Variants in UST observed in about 807,000 individuals in gnomAD.
The protein encoded by UST is chondroitin sulfate 2-O-sulfotransferase.
Under a neutral mutation model 45.6 loss-of-function variants are expected in UST, and 21 were observed. The observed-to-expected ratio is 0.46, with a 90% CI of 0.33 to 0.66. The LOEUF is 0.66. Ranked by LOEUF, UST falls within the 30% of genes least tolerant of loss-of-function variation. The pLI, the probability that UST is intolerant of heterozygous loss-of-function variation, is 0.02. For synonymous variants in UST, 215 were observed against 200.6 expected (o/e 1.07, Z -0.61); for missense variants, 463 against 512.4 (o/e 0.90, Z 0.93).
At chr6:148,876,070 T>G (rs779810587) in intron 1 of UST, among the ~76,000 whole-genome samples, 3 of 152,188 alleles carry the variant, frequency 2.0e-5, no homozygotes, top group Non-Finnish European at 4.4e-5. Flanking sequence ...GGTTCGTGGT[T>G]CTGTAGGCTG....
chr6:149,033,159 C>T (rs946034029), intron 7 of UST, among the ~76,000 whole-genome samples: 3 of 152,188 alleles, frequency 2.0e-5, no homozygotes, highest in Non-Finnish European at 4.4e-5. Context: ...TGTCAAGGTC[C>T]CTGTCCACCC....
At chr6:148,838,692 C>T (rs1043531980) in intron 1 of UST, among the ~76,000 whole-genome samples, 5 of 151,962 alleles carry the variant, frequency 3.3e-5, no homozygotes, top group Non-Finnish European at 5.9e-5. Flanking sequence ...ACCAAGAATT[C>T]GAGACCAGCC....
At position 149,074,939 on chromosome 6, in the gene UST, G is replaced by C. The variant is rs1266466485; in HGVS notation, c.*823G>C. 6.6e-6 allele frequency: 1 copy of C among 152,280 alleles called. No individual in the cohort carries two copies. Among genetic ancestry groups the C allele is most frequent in the Non-Finnish European group, 1.5e-5 (1 of 68,146 alleles). 9.4% of individuals were successfully genotyped at this position (152,280 alleles called of 1,614,324 possible). On this transcript the variant is annotated 3_prime_UTR_variant, in exon 8 of 8. Coordinates refer to ENST00000367463, the MANE Select transcript of UST (RefSeq NM_005715.3). ...CTTTCAAGGTCAAAGTGCATGGCCA[G>C]CTCCATTGAGACATTCCATTTCAAA...
At chr6:148,988,594 G>C (rs1429213011) in intron 5 of UST, among the ~76,000 whole-genome samples, 1 of 103,636 alleles carries the variant, frequency 9.6e-6, no homozygotes, top group Non-Finnish European at 2.1e-5. Context: ...AAAAAAAAAA[G>C]CAAAAAACAA....
At chr6:149,045,551 C>G (rs749074396) in intron 7 of UST, among the ~76,000 whole-genome samples, 2 of 152,056 alleles carry the variant, frequency 1.3e-5, no homozygotes, top group African/African-American at 2.4e-5. Flanking sequence ...GTGTGGGTAC[C>G]CTGCGGATCT....
chr6:148,862,320 C>T (rs1469890746), intron 1 of UST, among the ~76,000 whole-genome samples: 1 of 152,130 alleles, frequency 6.6e-6, no homozygotes. Context: ...GGATTGCAAC[C>T]ACTGCTTTGT....
intron 7 of UST, among the ~76,000 whole-genome samples, chr6:149,046,326 G>A (rs145600970): frequency 2.6e-5 from 4 of 152,342 alleles, no homozygotes; most frequent in African/African-American, 9.6e-5. Flanking sequence ...CTGGCCAGGG[G>A]TAGGGCCACC....
chr6:148,760,973 G>C (rs992720154), intron 1 of UST, among the ~76,000 whole-genome samples: 1 of 152,178 alleles, frequency 6.6e-6, no homozygotes, highest in Non-Finnish European at 1.5e-5. Context: ...AAAAGCCACA[G>C]AACTGAACAG....
intron 1 of UST, among the ~76,000 whole-genome samples, chr6:148,876,877 G>T (rs957252182): frequency 2.0e-5 from 3 of 150,518 alleles, no homozygotes; most frequent in Non-Finnish European, 4.4e-5. Context: ...GAAAGAGGGG[G>T]TGCGTTTCAG....
At chr6:149,003,785 G>GT (rs1338762425) in intron 5 of UST, among the ~76,000 whole-genome samples, 1 of 152,230 alleles carries the variant, frequency 6.6e-6, no homozygotes, top group Non-Finnish European at 1.5e-5. Flanking sequence ...GAATCTGCAG[G>GT]TGTGGCTTTT....
At chr6:148,916,626 C>G (rs1017378806) in intron 2 of UST, among the ~76,000 whole-genome samples, 1 of 152,136 alleles carries the variant, frequency 6.6e-6, no homozygotes, top group East Asian at 1.9e-4. Context: ...TCCTTTCTGC[C>G]GCTCCTTCAT....
intron 4 of UST, among the ~76,000 whole-genome samples, chr6:148,962,283 A>C (rs1780676349): frequency 6.6e-6 from 1 of 152,264 alleles, no homozygotes; most frequent in Admixed American, 6.5e-5. Flanking sequence ...TTCTCTCGCC[A>C]TTGATCAAAG....
At chr6:148,786,470 T>C (rs558753607) in intron 1 of UST, among the ~76,000 whole-genome samples, 1 of 152,278 alleles carries the variant, frequency 6.6e-6, no homozygotes, top group East Asian at 1.9e-4. Context: ...CTCTCACTTA[T>C]AAGAGAGAAC....
intron 1 of UST, among the ~76,000 whole-genome samples, chr6:148,867,247 C>G (rs1319806346): frequency 6.6e-6 from 1 of 151,344 alleles, no homozygotes; most frequent in African/African-American, 2.4e-5. Context: ...AAACAGCTTT[C>G]CCTTCCCATT....
chr6:148,770,096 A>C (rs1411634250), intron 1 of UST, among the ~76,000 whole-genome samples: 3 of 152,000 alleles, frequency 2.0e-5, no homozygotes, highest in Non-Finnish European at 4.4e-5. Flanking sequence ...AAGATTAAAA[A>C]AATTGAGTGT....
chr6:148,767,053 C>T (rs1462872692), intron 1 of UST, among the ~76,000 whole-genome samples: 1 of 152,150 alleles, frequency 6.6e-6, no homozygotes, highest in Non-Finnish European at 1.5e-5. Context: ...TGGAACTGGG[C>T]TTGAGATTCT....
chr6:148,928,654 G>T (rs550051223), intron 2 of UST, among the ~76,000 whole-genome samples: 9 of 152,306 alleles, frequency 5.9e-5, no homozygotes, highest in African/African-American at 2.2e-4. Flanking sequence ...TCAGATCTAT[G>T]CTGGTGGATT....
rs538372157 is a variant in UST at position 149,009,591 on chromosome 6, A to G, written c.682-9548A>G. 2.6e-5 allele frequency among the ~76,000 whole-genome samples: 4 copies of G among 152,260 alleles called. No individual in the cohort carries two copies. The South Asian group carries it at 8.3e-4, about 32-fold the overall frequency. On this transcript the variant is annotated intron_variant, in intron 5 of 7. Coordinates refer to ENST00000367463, the MANE Select transcript of UST (RefSeq NM_005715.3). ...CACACACACACACACACATAGACAG[A>G]CACACATCACCTGCAAGTTATTGAG...
At chr6:148,772,068 A>C (rs1253024306) in intron 1 of UST, among the ~76,000 whole-genome samples, 3 of 152,238 alleles carry the variant, frequency 2.0e-5, no homozygotes, top group Non-Finnish European at 4.4e-5. Context: ...TAAAAGTGAA[A>C]GCATAATATC....
Sources: allele counts gnomAD v4.1 joint callset (sites outside exome capture counted in the v4.1 genomes callset), GRCh38; gene constraint gnomAD v4.1.1; transcripts MANE v1.5; gene names NCBI Gene and HGNC (gene_info 2026-07-23, HGNC 2026-07-21).